PPFIBP2: variants seen among roughly 807,000 people sequenced by gnomAD.
PPFIBP2 encodes the protein PPFIB scaffold protein 2.
Under a neutral mutation model 118.3 loss-of-function variants are expected in PPFIBP2, and 118 were observed. That is an observed-to-expected ratio of 1.00 (90% CI 0.86 to 1.16). PPFIBP2 has a LOEUF of 1.16. Among genes scored for constraint, PPFIBP2 ranks in the 50% most tolerant of loss-of-function variants. PPFIBP2 has a pLI of 0.00. For missense variants in PPFIBP2, 1,195 were observed against 1,073.1 expected (o/e 1.11, Z -1.59); for synonymous variants, 414 against 397.4 (o/e 1.04, Z -0.50).
chr11:7,620,042 A>C (rs914264845), intron 6 of PPFIBP2, among the ~76,000 whole-genome samples: 1 of 152,180 alleles, frequency 6.6e-6, no homozygotes, highest in Non-Finnish European at 1.5e-5. Flanking sequence ...TAGTGGAGTC[A>C]TCTTTATAGA....
intron 23 of PPFIBP2, 68 bp downstream of exon 23, chr11:7,651,912 G>T: frequency 1.4e-6 from 2 of 1,417,368 alleles, no homozygotes; most frequent in East Asian, 2.3e-5. Context: ...ACAGCACCTG[G>T]CGCGATGCCC....
intron 1 of PPFIBP2, among the ~76,000 whole-genome samples, chr11:7,531,387 A>G (rs1364462635): frequency 1.3e-5 from 2 of 152,160 alleles, no homozygotes; most frequent in Non-Finnish European, 1.5e-5. Context: ...AGGCTGCAGG[A>G]TCTTAGGGTT....
intron 2 of PPFIBP2, among the ~76,000 whole-genome samples, chr11:7,556,931 T>G (rs56414047): frequency 0.31 from 47,313 of 152,148 alleles, 7,577 homozygotes; most frequent in African/African-American, 0.37. Flanking sequence ...GGATTTGTTT[T>G]GATGTATCAT....
intron 2 of PPFIBP2, among the ~76,000 whole-genome samples, chr11:7,553,878 G>T (rs1455595940): frequency 2.0e-5 from 3 of 152,152 alleles, no homozygotes; most frequent in African/African-American, 7.2e-5. Flanking sequence ...GCATGGGGCT[G>T]TCTGTAGGAG....
intron 4 of PPFIBP2, among the ~76,000 whole-genome samples, chr11:7,595,107 C>G (rs1860055032): frequency 6.6e-6 from 1 of 152,056 alleles, no homozygotes; most frequent in Non-Finnish European, 1.5e-5. Flanking sequence ...GAAGTGCATT[C>G]CAGGCAGAGC....
chr11:7,651,575 A>C (rs1854010890), intron 22 of PPFIBP2, 81 bp from the exon 23 acceptor site: 2 of 1,352,196 alleles, frequency 1.5e-6, no homozygotes, highest in South Asian at 2.7e-5. Context: ...CCCCAGCCCC[A>C]ACAGGCCAGT....
At chr11:7,564,500 G>C (rs1854727105) in intron 2 of PPFIBP2, among the ~76,000 whole-genome samples, 1 of 152,204 alleles carries the variant, frequency 6.6e-6, no homozygotes, top group South Asian at 2.1e-4. Context: ...GGAAGATCCA[G>C]AAAGATTCCA....
chr11:7,642,360 G>C lies in PPFIBP2; in HGVS notation c.1580G>C (p.Arg527Pro). The C allele has an allele frequency of 6.2e-7, 1 of 1,614,106 alleles. No individual in the cohort carries two copies. The highest frequency in any genetic ancestry group is 8.5e-7 in the Non-Finnish European group (1 of 1,179,990). The change falls in exon 17 of 24, where the codon CGA becomes CCA. Residue 527 changes from arginine to proline, a missense_variant. Transcript: ENST00000299492. ...TDTLGMAEFR[R>P]GGLRATAGPR... ...ACGCTGGGGATGGCAGAGTTTCGAC[G>C]AGGTGGGCTCCGGGCAACCGCAGGG...
chr11:7,665,114 T>TTGAG, the PPFIBP2 span: 1 of 336,060 alleles, frequency 3.0e-6, no homozygotes, highest in Non-Finnish European at 5.4e-6. Flanking sequence ...TGCTTTGTAC[T>TTGAG]TGAGTTTATT....
At chr11:7,637,186 C>G (rs149201223) in intron 14 of PPFIBP2, among the ~76,000 whole-genome samples, 3 of 152,172 alleles carry the variant, frequency 2.0e-5, no homozygotes, top group African/African-American at 7.2e-5. Flanking sequence ...GGATCACAAG[C>G]CTTTTAAGCT....
intron 15 of PPFIBP2, chr11:7,640,899 TTC>T (rs1342951997): frequency 3.0e-5 from 20 of 669,838 alleles, no homozygotes; most frequent in Middle Eastern, 5.9e-4. Context: ...TTATTTTTCT[TTC>T]TGTTTGAGTT....
chr11:7,556,061 G>T (rs1187930215), intron 2 of PPFIBP2, among the ~76,000 whole-genome samples: 1 of 152,116 alleles, frequency 6.6e-6, no homozygotes, highest in Non-Finnish European at 1.5e-5. Flanking sequence ...AAAGTACTTT[G>T]TTAGATTAGA....
chr11:7,558,133 A>G (rs1031466543), intron 2 of PPFIBP2, among the ~76,000 whole-genome samples: 1 of 152,214 alleles, frequency 6.6e-6, no homozygotes, highest in African/African-American at 2.4e-5. Flanking sequence ...ACAAAGGTTT[A>G]TTTCTTGTAC....
chr11:7,577,792 A>G (rs934690717), intron 3 of PPFIBP2, among the ~76,000 whole-genome samples: 1 of 152,166 alleles, frequency 6.6e-6, no homozygotes, highest in Non-Finnish European at 1.5e-5. Flanking sequence ...GAATCTAATT[A>G]TAGACACCAG....
intron 3 of PPFIBP2, among the ~76,000 whole-genome samples, chr11:7,570,009 A>G (rs1855474085): frequency 6.6e-6 from 1 of 152,192 alleles, no homozygotes; most frequent in African/African-American, 2.4e-5. Flanking sequence ...TGTAATCATC[A>G]GTGGCCCTGG....
intron 2 of PPFIBP2, among the ~76,000 whole-genome samples, chr11:7,560,557 GA>G (rs1365265016): frequency 6.6e-6 from 1 of 152,078 alleles, no homozygotes; most frequent in African/African-American, 2.4e-5. Flanking sequence ...AATTTGGGGG[GA>G]TTTTTCCCCT....
At chr11:7,577,332 T>TGTATGTGCGTGTGTGTGTGTGTGC (rs1856538531) in intron 3 of PPFIBP2, 2 of 243,552 alleles carry the variant, frequency 8.2e-6, no homozygotes, top group Non-Finnish European at 1.7e-5. Context: ...TGTGTGTGTG[T>TGTATGTGCGTGTGTGTGTGTGTGC]GTGTGTGTGT....
chr11:7,539,807 C>T (rs1409886288), intron 1 of PPFIBP2, among the ~76,000 whole-genome samples: 1 of 152,152 alleles, frequency 6.6e-6, no homozygotes, highest in East Asian at 1.9e-4. Flanking sequence ...AGGACTTCAG[C>T]TAAAACACTG....
At chr11:7,573,831 C>G (rs925492836) in intron 3 of PPFIBP2, 1 of 152,212 alleles carries the variant, frequency 6.6e-6, no homozygotes, top group African/African-American at 2.4e-5. Flanking sequence ...GGTGAAGGCT[C>G]AGGGCTGAGC....
Sources: allele counts gnomAD v4.1 joint callset (sites outside exome capture counted in the v4.1 genomes callset), GRCh38; gene constraint gnomAD v4.1.1; transcripts MANE v1.5; gene names NCBI Gene and HGNC (gene_info 2026-07-23, HGNC 2026-07-21).